The following GRID2 variants were observed in gnomAD, a reference collection of about 807,000 sequenced individuals.
GRID2 encodes glutamate ionotropic receptor delta type subunit 2, also known as glutamate receptor ionotropic, delta-2.
GRID2 carries 33 observed loss-of-function variants against 114.8 expected under a neutral mutation model. The ratio of observed to expected loss-of-function variants is 0.29; its 90% CI spans 0.22 to 0.38. The LOEUF (loss-of-function observed/expected upper bound fraction) is 0.38. GRID2 is among the 10% of genes least tolerant of loss of function. GRID2 has a pLI of 1.00. For synonymous variants in GRID2, 505 were observed against 449.9 expected, an observed-to-expected ratio of 1.12 and a Z score of -1.55; for missense variants, 1,184 against 1,257.7, an observed-to-expected ratio of 0.94 and a Z score of 0.89.
chr4:93,124,700 TG>T (rs1734117633), intron 4 of GRID2, among the ~76,000 whole-genome samples: 1 of 152,160 alleles, frequency 6.6e-6, no homozygotes, highest in African/African-American at 2.4e-5. Context: ...GAAGCTTTGT[TG>T]AAAAATTAGA....
chr4:93,419,650 T>G (rs993945717), intron 9 of GRID2, among the ~76,000 whole-genome samples: 2 of 152,098 alleles, frequency 1.3e-5, no homozygotes, highest in African/African-American at 4.8e-5. Context: ...TATCAATAAT[T>G]CATTTTGAAA....
At chr4:92,356,854 G>C (rs1210726642) in intron 1 of GRID2, among the ~76,000 whole-genome samples, 1 of 151,720 alleles carries the variant, frequency 6.6e-6, no homozygotes, top group Non-Finnish European at 1.5e-5. Flanking sequence ...TGCAGGGGGA[G>C]GTATTTGTCT....
rs563728907 is a variant in GRID2 at position 93,007,193 on chromosome 4, GA to G, written c.245-77798del. 2.3e-4 allele frequency among the ~76,000 whole-genome samples: 35 copies of G among 151,916 alleles called. 2 individuals are homozygous for G. In the South Asian group the frequency reaches 7.3e-3, roughly 31 times the overall value. ...AAGTGCCACTGGGGAAGGAAATGAA[GA>G]AAATTCAAACAACACAACAGAAAAA... On this transcript the variant is annotated intron_variant, in intron 2 of 15. Coordinates refer to ENST00000282020, the MANE Select transcript of GRID2 (RefSeq NM_001510.4).
At chr4:92,639,022 A>T (rs1039850334) in intron 2 of GRID2, among the ~76,000 whole-genome samples, 5 of 151,260 alleles carry the variant, frequency 3.3e-5, no homozygotes, top group Admixed American at 3.3e-4. Flanking sequence ...TTCACTTTCC[A>T]TGCTTCAGTA....
intron 8 of GRID2, among the ~76,000 whole-genome samples, chr4:93,265,448 CCTTA>C (rs1750717818): frequency 6.6e-6 from 1 of 152,196 alleles, no homozygotes; most frequent in African/African-American, 2.4e-5. Context: ...TATAGTAAAT[CCTTA>C]CTTAAGGTCA....
intron 11 of GRID2, among the ~76,000 whole-genome samples, chr4:93,476,962 G>A (rs949783097): frequency 3.9e-5 from 6 of 152,094 alleles, no homozygotes; most frequent in African/African-American, 1.4e-4. Context: ...GTGGCAGACT[G>A]GCTGTCTTAA....
At chr4:92,681,595 A>G (rs1395407153) in intron 2 of GRID2, among the ~76,000 whole-genome samples, 5 of 152,168 alleles carry the variant, frequency 3.3e-5, no homozygotes, top group Non-Finnish European at 7.4e-5. Context: ...ATGTTAAATG[A>G]TGAGTTAATG....
At chr4:92,558,208 G>GGAA (rs1726950279) in intron 1 of GRID2, among the ~76,000 whole-genome samples, 1 of 152,062 alleles carries the variant, frequency 6.6e-6, no homozygotes, top group South Asian at 2.1e-4. Context: ...TGGGGAGTTT[G>GGAA]GAAGAGTAAA....
chr4:92,937,098 A>T (rs1236117797), intron 2 of GRID2, among the ~76,000 whole-genome samples: 1 of 146,470 alleles, frequency 6.8e-6, no homozygotes, highest in African/African-American at 2.4e-5. Flanking sequence ...TATCAGATAT[A>T]AGATTTGCAA....
chr4:93,341,212 G>A (rs912235677), intron 8 of GRID2, among the ~76,000 whole-genome samples: 5 of 151,808 alleles, frequency 3.3e-5, no homozygotes, highest in Admixed American at 6.6e-5. Flanking sequence ...CCAAAATTTC[G>A]GTAGATACTA....
intron 2 of GRID2, among the ~76,000 whole-genome samples, chr4:92,960,967 A>T (rs1255586627): frequency 2.0e-5 from 3 of 151,878 alleles, no homozygotes; most frequent in Non-Finnish European, 4.4e-5. Context: ...TGCAATATAA[A>T]TTTACAACTA....
intron 1 of GRID2, among the ~76,000 whole-genome samples, chr4:92,491,687 G>T (rs1262297550): frequency 1.4e-5 from 2 of 147,478 alleles, no homozygotes; most frequent in Non-Finnish European, 3.0e-5. Flanking sequence ...TCCTTATTGG[G>T]TGTGTGTGTG....
chr4:93,223,931 T>A (rs1052743911), intron 6 of GRID2, among the ~76,000 whole-genome samples: 2 of 152,128 alleles, frequency 1.3e-5, no homozygotes, highest in Admixed American at 6.6e-5. Context: ...GTTAATAACA[T>A]GGTTGTTTCA....
chr4:92,604,487 A>G (rs943880343), intron 2 of GRID2, among the ~76,000 whole-genome samples: 24 of 152,100 alleles, frequency 1.6e-4, no homozygotes, highest in African/African-American at 5.1e-4. Flanking sequence ...GAGCTGAACA[A>G]TGAGAACACA....
At chr4:92,447,023 T>G (rs1245892249) in intron 1 of GRID2, among the ~76,000 whole-genome samples, 3 of 152,192 alleles carry the variant, frequency 2.0e-5, no homozygotes, top group African/African-American at 7.2e-5. Context: ...TTAGATTACC[T>G]TACTCAGAAT....
chr4:92,745,203 T>A (rs1268127937), intron 2 of GRID2, among the ~76,000 whole-genome samples: 1 of 152,206 alleles, frequency 6.6e-6, no homozygotes, highest in Non-Finnish European at 1.5e-5. Context: ...TTGGTAAACA[T>A]TTCCAAGATC....
At chr4:93,372,396 T>A (rs1380528600) in intron 8 of GRID2, among the ~76,000 whole-genome samples, 2 of 152,130 alleles carry the variant, frequency 1.3e-5, no homozygotes, top group Non-Finnish European at 2.9e-5. Context: ...TTATTCTACC[T>A]CTTCACTCTA....
chr4:92,334,499 T>C (rs138524536), intron 1 of GRID2, among the ~76,000 whole-genome samples: 28 of 152,146 alleles, frequency 1.8e-4, no homozygotes, highest in African/African-American at 6.3e-4. Flanking sequence ...TGGTATTTGG[T>C]GAGGACTTCT....
At chr4:92,917,049 A>G (rs981091058) in intron 2 of GRID2, among the ~76,000 whole-genome samples, 7 of 152,072 alleles carry the variant, frequency 4.6e-5, no homozygotes, top group African/African-American at 1.7e-4. Flanking sequence ...TTTAATGATC[A>G]CCATTCTAAC....
Sources: allele counts gnomAD v4.1 joint callset (sites outside exome capture counted in the v4.1 genomes callset), GRCh38; gene constraint gnomAD v4.1.1; transcripts MANE v1.5; gene names NCBI Gene and HGNC (gene_info 2026-07-23, HGNC 2026-07-21).